ZNF713: variants seen among roughly 807,000 people sequenced by gnomAD.
The protein encoded by ZNF713 is zinc finger protein 713.
In ZNF713, 21 loss-of-function variants were observed where a neutral mutation model predicts 28.7. The observed-to-expected ratio is 0.73, with a 90% CI of 0.52 to 1.05. The LOEUF is 1.05. Ranked by LOEUF, ZNF713 falls within the 50% of genes least tolerant of loss-of-function variation. ZNF713 has a pLI of 0.00. For synonymous variants in ZNF713, 167 were observed against 178.0 expected, an observed-to-expected ratio of 0.94 and a Z score of 0.49; for missense variants, 458 against 532.4, an observed-to-expected ratio of 0.86 and a Z score of 1.37.
intron 6 of ZNF713, among the ~76,000 whole-genome samples, chr7:55,931,915 G>A (rs1032928825): frequency 2.6e-5 from 4 of 152,188 alleles, no homozygotes; most frequent in Non-Finnish European, 4.4e-5. Context: ...TCAGGAACCA[G>A]GTCCACAGGC....
chr7:55,887,890 C>A (rs76634904), intron 1 of ZNF713, among the ~76,000 whole-genome samples: 12,386 of 69,176 alleles, frequency 0.18, 3,236 homozygotes, highest in East Asian at 0.4. Flanking sequence ...CGGCGGCGGG[C>A]GGCGGCGGCG....
intron 1 of ZNF713, among the ~76,000 whole-genome samples, chr7:55,903,654 C>T (rs1785618969): frequency 7.2e-6 from 1 of 139,212 alleles, no homozygotes; most frequent in African/African-American, 2.8e-5. Context: ...GCAACAGAGC[C>T]AGACTGTGTC....
chr7:55,925,249 C>T (rs1786074942), intron 6 of ZNF713, among the ~76,000 whole-genome samples: 1 of 152,188 alleles, frequency 6.6e-6, no homozygotes, highest in Non-Finnish European at 1.5e-5. Context: ...TTCTGTCATT[C>T]AAACTCTTCG....
At chr7:55,912,838 T>A in intron 4 of ZNF713, 115 bp downstream of exon 4, 3 of 764,676 alleles carry the variant, frequency 3.9e-6, no homozygotes, top group Non-Finnish European at 6.7e-6. Context: ...AGGAGATTCA[T>A]GTGACAGATG....
At chr7:55,906,108 A>C (rs922519318) in intron 1 of ZNF713, 145 bp from the exon 2 acceptor site, 1 of 152,082 alleles carries the variant, frequency 6.6e-6, no homozygotes, top group Non-Finnish European at 1.5e-5. Flanking sequence ...ACTCAAAAAA[A>C]AAAAAAAAAA....
intron 2 of ZNF713, among the ~76,000 whole-genome samples, chr7:55,909,421 T>C (rs1230058994): frequency 1.3e-5 from 2 of 152,212 alleles, no homozygotes; most frequent in African/African-American, 2.4e-5. Context: ...ACCAGTACCA[T>C]GCTACTTTGT....
intron 6 of ZNF713, among the ~76,000 whole-genome samples, chr7:55,937,534 A>G (rs1215693123): frequency 6.6e-5 from 10 of 152,230 alleles, no homozygotes; most frequent in Admixed American, 6.6e-4. Flanking sequence ...TCTATTACCC[A>G]GGACTGAGCA....
rs932891410 is a variant in ZNF713, at chr7:55,887,460, T to C, written c.-803T>C. 10 of 155,296 alleles carry C rather than the reference T, an allele frequency of 6.4e-5. No individual in the cohort carries two copies. Among genetic ancestry groups the C allele is most frequent in the Non-Finnish European group, 1.4e-5 (1 of 69,936 alleles). The allele number at this position is 155,296 out of a possible 1,614,324, so 9.6% of individuals were successfully genotyped here. ...GCGTATTGGGGATCTGAGGCCAGCG[T>C]CTTGCGCCGCCATTGCGGGGAGGCT... is the stretch of plus-strand genomic sequence containing the variant. On this transcript the variant is annotated 5_prime_UTR_variant, in exon 1 of 7. Transcript: ENST00000429591.
chr7:55,927,805 G>T (rs917590035), intron 6 of ZNF713, among the ~76,000 whole-genome samples: 1 of 145,140 alleles, frequency 6.9e-6, no homozygotes, highest in Non-Finnish European at 1.5e-5. Context: ...GCTGAGGCAT[G>T]AGAATCGCTT....
At chr7:55,898,565 A>G (rs763311569) in intron 1 of ZNF713, among the ~76,000 whole-genome samples, 2 of 152,266 alleles carry the variant, frequency 1.3e-5, no homozygotes, top group Admixed American at 6.5e-5. Flanking sequence ...AAGCCATCAG[A>G]TCTCGTGAGA....
intron 4 of ZNF713, among the ~76,000 whole-genome samples, chr7:55,914,110 CAAAA>C (rs755685299): frequency 1.7e-5 from 1 of 60,178 alleles, no homozygotes; most frequent in African/African-American, 6.8e-5. Flanking sequence ...GACTCCATCT[CAAAA>C]AAAAAAAAAA....
chr7:55,940,663 C>A lies in ZNF713; in HGVS notation c.*657C>A. Reference sequence around the variant, plus strand: ...GACTGAGGCATGAGAATGACTTGAACATGGGAGGTGGAGGTTGCTGTGAGC... The same window carrying A: ...GACTGAGGCATGAGAATGACTTGAAAATGGGAGGTGGAGGTTGCTGTGAGC... On this transcript the variant is annotated 3_prime_UTR_variant, in exon 7 of 7. Coordinates refer to ENST00000429591, the MANE Select transcript of ZNF713 (RefSeq NM_182633.3). The A allele has an allele frequency of 4.7e-6, 3 of 642,852 alleles. No individual in the cohort carries two copies. The highest frequency in any genetic ancestry group is 5.8e-6 in the Non-Finnish European group (3 of 518,448). 39.8% of individuals were successfully genotyped at this position (642,852 alleles called of 1,614,324 possible). A position where few individuals can be genotyped will look rare whatever the true frequency, so the allele number is the denominator to read the frequency against.
intron 4 of ZNF713, among the ~76,000 whole-genome samples, chr7:55,922,537 CAAAAAAAAA>C (rs71015126): frequency 1.2e-5 from 1 of 86,460 alleles, no homozygotes; most frequent in African/African-American, 4.4e-5. Context: ...GACTCTGTCT[CAAAAAAAAA>C]AAAAAAAAGA....
intron 6 of ZNF713, among the ~76,000 whole-genome samples, chr7:55,931,493 A>G (rs1391759527): frequency 6.6e-6 from 1 of 152,158 alleles, no homozygotes; most frequent in East Asian, 1.9e-4. Flanking sequence ...CTTTACATGT[A>G]GAAAGGATTA....
At chr7:55,932,606 T>C (rs1967230) in intron 6 of ZNF713, among the ~76,000 whole-genome samples, 123,753 of 150,804 alleles carry the variant, frequency 0.82, 51,314 homozygotes, top group East Asian at 0.95. Flanking sequence ...AAGCTACAGC[T>C]GGGCGCGGTG....
intron 1 of ZNF713, among the ~76,000 whole-genome samples, chr7:55,892,660 G>T (rs190484492): frequency 1.3e-5 from 2 of 151,168 alleles, no homozygotes; most frequent in Non-Finnish European, 2.9e-5. Flanking sequence ...ATCACATGAG[G>T]TCGGGAGTTT....
chr7:55,907,689 T>G (rs1486892800), intron 2 of ZNF713, among the ~76,000 whole-genome samples: 2 of 152,158 alleles, frequency 1.3e-5, no homozygotes, highest in Non-Finnish European at 2.9e-5. Context: ...TAGCTCCCAC[T>G]TACAAGTGGG....
At chr7:55,903,236 C>T (rs1287234078) in intron 1 of ZNF713, among the ~76,000 whole-genome samples, 2 of 152,024 alleles carry the variant, frequency 1.3e-5, no homozygotes, top group Non-Finnish European at 2.9e-5. Context: ...TTCTATGTGC[C>T]AGGCACTGGA....
At chr7:55,934,884 CTT>C (rs35877447) in intron 6 of ZNF713, among the ~76,000 whole-genome samples, 8 of 131,538 alleles carry the variant, frequency 6.1e-5, no homozygotes, top group African/African-American at 8.4e-5. Context: ...CTGGCATTGC[CTT>C]TTTTTTTTTT....
Sources: allele counts gnomAD v4.1 joint callset (sites outside exome capture counted in the v4.1 genomes callset), GRCh38; gene constraint gnomAD v4.1.1; transcripts MANE v1.5; gene names NCBI Gene and HGNC (gene_info 2026-07-23, HGNC 2026-07-21).